Variants in LRRC49 observed in about 807,000 individuals in gnomAD.
LRRC49 encodes the protein leucine-rich repeat-containing protein 49.
In LRRC49, 50 loss-of-function variants were observed where a neutral mutation model predicts 83.3. The ratio of observed to expected loss-of-function variants is 0.60; its 90% confidence interval spans 0.48 to 0.76. The LOEUF (loss-of-function observed/expected upper bound fraction) is 0.76, where lower values mean the gene tolerates loss of function less well. LRRC49 is among the 30% of genes least tolerant of loss of function. The probability of loss-of-function intolerance (pLI) is 0.00; values close to 1 mark genes in which losing one functional copy is unlikely to be tolerated. For synonymous variants in LRRC49, 286 were observed against 283.3 expected (o/e 1.01, Z -0.10); for missense variants, 704 against 809.1 (o/e 0.87, Z 1.58).
chr15:70,931,539 T>C (rs2035407625), intron 7 of LRRC49, among the ~76,000 whole-genome samples: 1 of 152,128 alleles, frequency 6.6e-6, no homozygotes, highest in African/African-American at 2.4e-5. Context: ...AACCTTCAAT[T>C]TGTAAAATTT....
At position 71,049,606 on chromosome 15, in the gene LRRC49, A is replaced by G; in HGVS notation, c.2055A>G (p.Gln685=). ...TCTGCCTACAGCAGATAACAGACCA[A>G]AAATAAAAATGGCCTTTAGTTACAG... is the stretch of plus-strand genomic sequence containing the variant. ...MKLCLQQITD[Q]K The change falls in exon 16 of 16, where the codon CAA becomes CAG. Residue 685 remains glutamine, a synonymous_variant. Transcript: ENST00000260382. 1.3e-6 allele frequency: 2 copies of G among 1,594,186 alleles called. No individual in the cohort carries two copies. The highest frequency in any genetic ancestry group is 1.7e-6 in the Non-Finnish European group (2 of 1,174,694).
At chr15:70,936,737 G>T in intron 7 of LRRC49, 24 bp from the exon 8 acceptor site, 3 of 1,519,086 alleles carry the variant, frequency 2.0e-6, no homozygotes, top group Non-Finnish European at 2.7e-6. Flanking sequence ...ATCTGATTAA[G>T]TTTTGCTGTC....
chr15:70,893,958 A>G (rs1595988796), intron 2 of LRRC49, among the ~76,000 whole-genome samples: 1 of 151,400 alleles, frequency 6.6e-6, no homozygotes, highest in East Asian at 1.9e-4. Context: ...GCAGTGGCAC[A>G]ATTTTGGCTC....
intron 15 of LRRC49, among the ~76,000 whole-genome samples, chr15:71,040,376 A>G (rs1202750419): frequency 6.6e-6 from 1 of 152,132 alleles, no homozygotes; most frequent in Non-Finnish European, 1.5e-5. Context: ...GGTGTAGGTA[A>G]AACCTGTGTC....
chr15:71,043,288 A>G (rs1443083938), intron 15 of LRRC49, among the ~76,000 whole-genome samples: 1 of 152,146 alleles, frequency 6.6e-6, no homozygotes, highest in African/African-American at 2.4e-5. Context: ...AACAAACCCC[A>G]CTGTTGACCT....
chr15:70,881,945 A>C (rs2033273862), intron 2 of LRRC49: 1 of 152,998 alleles, frequency 6.5e-6, no homozygotes, highest in East Asian at 1.9e-4. Flanking sequence ...AAATGGACAA[A>C]CTAATAAATA....
At position 71,012,831 on chromosome 15, in the gene LRRC49, G is replaced by A; in HGVS notation, c.1621G>A (p.Glu541Lys). 6.2e-7 allele frequency: 1 copy of A among 1,612,586 alleles called. No individual in the cohort carries two copies. Among genetic ancestry groups the A allele is most frequent in the Non-Finnish European group, 8.5e-7 (1 of 1,179,012 alleles). ...GACACAGAATGATATGATAATGGCT[G>A]AAAGGCTCTTTGGAATCCTAGCACA... The part of the protein sequence containing the change: ...EVTQNDMIMA[E>K]RLFGILAHVA... Residue 541 changes from glutamate (E) to lysine (K), a missense_variant, in exon 14 of 16, where the codon GAA becomes AAA. Physicochemically the swap from Glu to Lys is moderately conservative, Grantham distance 56. Around this residue, in one of 3 missense-constraint regions of LRRC49, gnomAD observed 275 missense variants for 338.0 expected, o/e 0.81. Coordinates refer to ENST00000260382, the MANE Select transcript of LRRC49 (RefSeq NM_017691.5).
At position 71,037,179 on chromosome 15, in the gene LRRC49, G is replaced by C; in HGVS notation, c.1704G>C (p.Arg568Ser). Residue 568 changes from arginine (R) to serine (S), a missense_variant and splice_region_variant, in exon 15 of 16, where the codon AGG becomes AGC. Arg to Ser is a moderately radical substitution (Grantham distance 110, BLOSUM62 -1). Transcript: ENST00000260382. ...AAATCTCTTTACTGTCTTTCTACAGGAAAAAGCAATTTCGGTATCTACTAG... is the reference window on the plus strand; with the variant it reads ...AAATCTCTTTACTGTCTTTCTACAGCAAAAAGCAATTTCGGTATCTACTAG... ...YRLISILGDA[R>S]KKQFRYLLES... is the part of the protein sequence containing the mutation. The C allele has an allele frequency of 6.2e-7, 1 of 1,601,242 alleles. No individual in the cohort carries two copies. Among genetic ancestry groups the C allele is most frequent in the South Asian group, 1.1e-5 (1 of 89,006 alleles).
rs1256669381 is a variant in LRRC49, at chr15:70,974,646, G to T, written c.922-5455G>T. Among the ~76,000 whole-genome samples the T allele has an allele frequency of 9.9e-5, 15 of 152,016 alleles. No individual in the cohort carries two copies. The East Asian group carries it at 1.7e-3, about 18-fold the overall frequency. On this transcript the variant is annotated intron_variant, in intron 9 of 15. Transcript: ENST00000260382. ...GGGTTTGGCAAACTACAGCCTATGG[G>T]CTAGATCCATCTGGCAGCCTGCTTT...
chr15:71,012,274 A>C (rs2038679039), intron 13 of LRRC49, among the ~76,000 whole-genome samples: 1 of 152,120 alleles, frequency 6.6e-6, no homozygotes, highest in African/African-American at 2.4e-5. Context: ...ACTTGTGACA[A>C]GTTATTCTTT....
chr15:71,049,347 T>C, intron 15 of LRRC49, 62 bp from the exon 16 acceptor site: 1 of 1,071,590 alleles, frequency 9.3e-7, no homozygotes, highest in South Asian at 1.5e-5. Flanking sequence ...GTTCAGCTAA[T>C]TGTTGCTTTG....
At chr15:70,927,903 C>T (rs1342804400) in intron 7 of LRRC49, among the ~76,000 whole-genome samples, 1 of 152,164 alleles carries the variant, frequency 6.6e-6, no homozygotes, top group Non-Finnish European at 1.5e-5. Flanking sequence ...CCATCTTGGC[C>T]TCCTACAGTG....
In LRRC49 at chr15:70,921,229, T is replaced by C. The variant is rs926074599; in HGVS notation, c.711+2036T>C. Among the ~76,000 whole-genome samples, 11 of 152,338 alleles carry C rather than the reference T, an allele frequency of 7.2e-5. No individual in the cohort carries two copies. The East Asian group carries it at 2.1e-3, about 29-fold the overall frequency. ...AGTGACTGCCAAAATAAGACTTTAC[T>C]TTCAGGGGTAGAAAGACTTTGTTTT... On this transcript the variant is annotated intron_variant, in intron 7 of 15. Transcript: ENST00000260382.
At chr15:70,871,894 C>T (rs1477627668) in intron 1 of LRRC49, among the ~76,000 whole-genome samples, 2 of 150,654 alleles carry the variant, frequency 1.3e-5, no homozygotes, top group Non-Finnish European at 3.0e-5. Context: ...CGGGAAGAGG[C>T]GCTCCTTACT....
At chr15:70,868,366 C>T (rs1322483611) in intron 1 of LRRC49, among the ~76,000 whole-genome samples, 1 of 152,208 alleles carries the variant, frequency 6.6e-6, no homozygotes, top group Non-Finnish European at 1.5e-5. Context: ...TATTACAACT[C>T]AGGCCCTCTA....
chr15:70,882,909 C>T, intron 2 of LRRC49: 1 of 1,613,622 alleles, frequency 6.2e-7, no homozygotes, highest in Non-Finnish European at 8.5e-7. Flanking sequence ...CACACGTAAT[C>T]TAAAAATACA....
chr15:70,987,493 A>AT (rs1385339683), intron 11 of LRRC49, among the ~76,000 whole-genome samples: 1 of 151,990 alleles, frequency 6.6e-6, no homozygotes, highest in Non-Finnish European at 1.5e-5. Flanking sequence ...CCCCTTTATC[A>AT]TTTTTTATTG....
chr15:70,988,570 T>G (rs1365622641), intron 11 of LRRC49, among the ~76,000 whole-genome samples: 1 of 151,916 alleles, frequency 6.6e-6, no homozygotes. Flanking sequence ...AGCACACTGA[T>G]GGGTCTTGAC....
At chr15:70,984,707 C>A (rs1036418643) in intron 11 of LRRC49, among the ~76,000 whole-genome samples, 1 of 151,472 alleles carries the variant, frequency 6.6e-6, no homozygotes, top group African/African-American at 2.4e-5. Context: ...TATACATGTG[C>A]CATGCTGGTG....
Sources: allele counts gnomAD v4.1 joint callset (sites outside exome capture counted in the v4.1 genomes callset), GRCh38; gene constraint gnomAD v4.1.1; regional missense constraint gnomAD v4.1.1; transcripts MANE v1.5; gene names NCBI Gene and HGNC (gene_info 2026-07-23, HGNC 2026-07-21).